NOP53: variants seen among roughly 807,000 people sequenced by gnomAD.
NOP53 encodes ribosome biogenesis protein NOP53.
A neutral mutation model predicts 61.0 loss-of-function variants in NOP53; 40 were observed. The ratio of observed to expected loss-of-function variants is 0.66; its 90% CI spans 0.51 to 0.85. The LOEUF (loss-of-function observed/expected upper bound fraction) is 0.85, where lower values mean the gene tolerates loss of function less well. NOP53 is among the 40% of genes least tolerant of loss of function. NOP53 has a pLI of 0.00. For synonymous variants in NOP53, 308 were observed against 289.5 expected (o/e 1.06, Z -0.65); for missense variants, 689 against 652.9 (o/e 1.06, Z -0.60).
chr19:47,755,688 G>T, intron 9 of NOP53, 68 bp from the exon 10 acceptor site: 1 of 1,451,644 alleles, frequency 6.9e-7, no homozygotes, highest in Non-Finnish European at 9.5e-7. Flanking sequence ...TCTCCAGGAG[G>T]GGGCTTTGGA....
Position 47,750,179 on chromosome 19 carries a change from G to A in NOP53, c.291G>A (p.Gly97=). The A allele has an allele frequency of 6.2e-7, 1 of 1,600,128 alleles. No individual in the cohort carries two copies. The highest frequency in any genetic ancestry group is 2.2e-5 in the East Asian group (1 of 44,772). ...FFVDTGSKEK[G]LTKKRTKVQK... is the part of the protein sequence containing the mutation. ...ACTTGTTCTCTTTCCCATTCTTAGG[G>A]CTGACAAAGAAGAGAACCAAAGTCC... Residue 97 remains glycine (G), a splice_region_variant and synonymous_variant, in exon 3 of 13, where the codon GGG becomes GGA. Coordinates refer to ENST00000246802, the MANE Select transcript of NOP53 (RefSeq NM_015710.5).
intron 9 of NOP53, 80 bp from the exon 10 acceptor site, chr19:47,755,676 C>T (rs1205749868): frequency 5.7e-6 from 8 of 1,414,586 alleles, no homozygotes; most frequent in Non-Finnish European, 6.8e-6. Flanking sequence ...GAGGCCCCTT[C>T]TTCTCCAGGA....
Position 47,750,932 on chromosome 19 carries a change from C to G in NOP53, c.423C>G (p.Asn141Lys). ...GCGTCCTCGCCCACCAGGTCCCCAACGCCAAGAAGCTCAGGCGGAAGGAGC... is the reference window on the plus strand; with the variant it reads ...GCGTCCTCGCCCACCAGGTCCCCAAGGCCAAGAAGCTCAGGCGGAAGGAGC... ...PKDVLAHQVP[N>K]AKKLRRKEQL... Residue 141 changes from asparagine to lysine, a missense_variant, in exon 4 of 13, where the codon AAC (asparagine) becomes AAG (lysine). Coordinates refer to ENST00000246802, the MANE Select transcript of NOP53 (RefSeq NM_015710.5). 2 of 1,595,328 alleles carry G rather than the reference C, an allele frequency of 1.3e-6. No individual in the cohort carries two copies. Among genetic ancestry groups the G allele is most frequent in the Non-Finnish European group, 1.7e-6 (2 of 1,172,484 alleles).
chr19:47,748,266 G>A (rs1389899449), intron 2 of NOP53, among the ~76,000 whole-genome samples: 1 of 152,016 alleles, frequency 6.6e-6, no homozygotes, highest in African/African-American at 2.4e-5. Context: ...GCTTTAGTGA[G>A]CGGGTAACAC....
intron 12 of NOP53, 46 bp from the exon 13 acceptor site, chr19:47,756,953 T>G: frequency 1.9e-6 from 3 of 1,613,156 alleles, no homozygotes; most frequent in Non-Finnish European, 2.5e-6. Context: ...GCAGGGGGTA[T>G]GGGGCACCCT....
chr19:47,755,943 A>T (rs55813323), intron 10 of NOP53, 121 bp downstream of exon 10: 2 of 761,280 alleles, frequency 2.6e-6, no homozygotes, highest in African/African-American at 3.5e-5. Context: ...AGTGGGGCCA[A>T]TGCCCAGGGG....
At position 47,754,204 on chromosome 19, in the gene NOP53, G is replaced by A. The variant is rs187716798; in HGVS notation, c.766-323G>A. 4.1e-4 allele frequency: 116 copies of A among 282,794 alleles called. 1 individual carries two copies. The Middle Eastern group carries it at 6.6e-3, about 16-fold the overall frequency. The allele number at this position is 282,794 out of a possible 1,614,324, so 17.5% of individuals were successfully genotyped here. A position where few individuals can be genotyped will look rare whatever the true frequency, so the allele number is the denominator to read the frequency against. ...AGGCAGGAGAATCGCTTGAACCCAG[G>A]AGGCGGGGGTTGTGGTGAGCTGAGA... On this transcript the variant is annotated intron_variant, in intron 6 of 12. Coordinates refer to ENST00000246802, the MANE Select transcript of NOP53 (RefSeq NM_015710.5). This position sits in a 1 kb window ranked among gnomAD's most constrained non-coding sequence, Gnocchi z 4.2.
chr19:47,752,422 A>G, intron 5 of NOP53, 90 bp from the exon 6 acceptor site: 1 of 793,046 alleles, frequency 1.3e-6, no homozygotes, highest in Non-Finnish European at 2.1e-6. Context: ...AACCACTGGC[A>G]AGGCCTGGAG....
intron 4 of NOP53, 192 bp downstream of exon 4, chr19:47,751,299 G>A (rs939243889): frequency 1.5e-6 from 1 of 657,960 alleles, no homozygotes; most frequent in African/African-American, 1.8e-5. Context: ...GAGTTGTGAG[G>A]CTTCAGGAAA....
chr19:47,749,757 T>C (rs371643423), intron 2 of NOP53, among the ~76,000 whole-genome samples: 2 of 149,620 alleles, frequency 1.3e-5, no homozygotes, highest in East Asian at 1.9e-4. Flanking sequence ...CCTTTTTTTT[T>C]TCCCCCTGAG....
At position 47,756,583 on chromosome 19, in the gene NOP53, T is replaced by C; in HGVS notation, c.1352T>C (p.Ile451Thr). 2 of 1,613,880 alleles carry C rather than the reference T, an allele frequency of 1.2e-6. No individual in the cohort carries two copies. Among genetic ancestry groups the C allele is most frequent in the Middle Eastern group, 1.6e-4 (1 of 6,062 alleles). ...RFKSFQRRNM[I>T]EPRERAKFKR... ...AAGAGCTTCCAGAGGAGGAATATGATCGAGCCTCGAGAGAGAGCCAAGTAA... is the reference window on the plus strand; with the variant it reads ...AAGAGCTTCCAGAGGAGGAATATGACCGAGCCTCGAGAGAGAGCCAAGTAA... The change falls in exon 11 of 13, where the codon ATC (isoleucine) becomes ACC (threonine). Residue 451 changes from isoleucine (I) to threonine (T), a missense_variant. By Grantham distance (89) the Ile-to-Thr change is moderately conservative. Coordinates refer to ENST00000246802, the MANE Select transcript of NOP53 (RefSeq NM_015710.5).
intron 10 of NOP53, chr19:47,756,180 G>GC (rs1967195512): frequency 7.8e-6 from 4 of 511,420 alleles, no homozygotes; most frequent in Non-Finnish European, 1.4e-5. Flanking sequence ...TCCTCTGTCA[G>GC]CCACACGCCT....
intron 2 of NOP53, among the ~76,000 whole-genome samples, chr19:47,748,967 G>C (rs1405907674): frequency 6.6e-6 from 1 of 152,104 alleles, no homozygotes; most frequent in East Asian, 1.9e-4. Context: ...TTTGAGACCA[G>C]CCTGACCAAC....
chr19:47,752,679 C>T, intron 6 of NOP53, 72 bp downstream of exon 6: 1 of 959,516 alleles, frequency 1.0e-6, no homozygotes, highest in South Asian at 1.3e-5. Flanking sequence ...TAGCTTCCTC[C>T]CTGTGCTGGG....
chr19:47,756,102 G>A (rs1177015421), intron 10 of NOP53: 1 of 543,436 alleles, frequency 1.8e-6, no homozygotes, highest in Non-Finnish European at 3.3e-6. Context: ...CTGAAGCTCA[G>A]AACCAACCCT....
intron 6 of NOP53, chr19:47,753,133 T>G (rs1967145214): frequency 6.5e-6 from 1 of 153,360 alleles, no homozygotes; most frequent in Admixed American, 6.4e-5. Flanking sequence ...ACAGATGCTG[T>G]GGACAAAGGG....
chr19:47,752,022 G>T (rs1397559088), intron 5 of NOP53, among the ~76,000 whole-genome samples: 2 of 152,046 alleles, frequency 1.3e-5, no homozygotes, highest in African/African-American at 4.8e-5. Flanking sequence ...CAGGAGAATC[G>T]CTTGGACCAG....
At chr19:47,746,087 G>C in intron 1 of NOP53, 1 of 427,640 alleles carries the variant, frequency 2.3e-6, no homozygotes, top group Non-Finnish European at 4.2e-6. Flanking sequence ...TTAGCTTGCT[G>C]TTTTCTAAAT....
intron 1 of NOP53, chr19:47,746,144 ATGTGTGTATATATATATGTGTATATG>A (rs1217830490): frequency 1.3e-5 from 3 of 226,366 alleles, no homozygotes; most frequent in Admixed American, 1.0e-4. Context: ...ATATGTGTAT[ATGTGTGTATATATATATGTGTATATG>A]TGTGTGTGTA....
Sources: gnomAD v4.1 joint callset for allele counts (sites outside exome capture counted in the v4.1 genomes callset) on GRCh38, gnomAD v4.1.1 for gene constraint, Gnocchi (gnomAD v3.1) non-coding constraint, MANE v1.5 for transcripts, NCBI Gene and HGNC (gene_info 2026-07-23, HGNC 2026-07-21) for gene names.